The following ABLIM2 variants were observed in gnomAD, a reference collection of about 807,000 sequenced individuals.
The protein encoded by ABLIM2 is actin binding LIM protein family member 2.
A neutral mutation model predicts 97.7 loss-of-function variants in ABLIM2; 53 were observed. The ratio of observed to expected loss-of-function variants is 0.54; its 90% CI spans 0.44 to 0.68. The LOEUF is 0.68. Among genes scored for constraint, ABLIM2 ranks in the 30% least tolerant of loss-of-function variants. The probability of loss-of-function intolerance (pLI) is 0.00; values close to 1 mark genes in which losing one functional copy is unlikely to be tolerated. For missense variants in ABLIM2, 835 were observed against 867.2 expected (o/e 0.96, Z 0.47); for synonymous variants, 361 against 345.8 (o/e 1.04, Z -0.49).
Position 8,064,735 on chromosome 4 carries a change from G to A in ABLIM2, c.676-3681C>T, listed in dbSNP as rs189805726. Among the ~76,000 whole-genome samples the A allele has an allele frequency of 1.1e-3, 171 of 152,218 alleles. 1 individual carries two copies. The highest frequency in any genetic ancestry group is 3.6e-3 in the African/African-American group (150 of 41,538). ...TAGGATGTTCAAAACCAGGCAAAGC[G>A]ATCTACCTGGCTAGGGTGCCCTTGG... On this transcript the variant is annotated intron_variant, in intron 6 of 20. Coordinates refer to ENST00000447017, the MANE Select transcript of ABLIM2 (RefSeq NM_001130083.2).
chr4:8,126,202 G>C (rs983376263), intron 1 of ABLIM2, among the ~76,000 whole-genome samples: 3 of 152,176 alleles, frequency 2.0e-5, no homozygotes, highest in Admixed American at 1.3e-4. Context: ...TCTGTGCAGG[G>C]CAGAACCCAC....
intron 1 of ABLIM2, among the ~76,000 whole-genome samples, chr4:8,133,700 C>T (rs1011419858): frequency 2.0e-5 from 3 of 152,242 alleles, no homozygotes; most frequent in Non-Finnish European, 4.4e-5. Flanking sequence ...CACCTGGGTC[C>T]ATGCCCCGGC....
chr4:8,071,976 G>T lies in ABLIM2; in HGVS notation c.675+5652C>A, dbSNP rs1812522376. 35 of 985,396 alleles carry T rather than the reference G, an allele frequency of 3.6e-5. No individual in the cohort carries two copies. The highest frequency in any genetic ancestry group is 4.1e-5 in the Non-Finnish European group (34 of 830,034). 61.0% of individuals were successfully genotyped at this position (985,396 alleles called of 1,614,324 possible). ...AGGCAGTGCCACCGCGGCGGCGGCA[G>T]CTCCCCTTCTGCGGAGCCAGGCTTG... On this transcript the variant is annotated intron_variant, in intron 6 of 20. Transcript: ENST00000447017. The surrounding 1 kb of genome is among the most constrained non-coding windows in gnomAD (Gnocchi z 6.2).
intron 9 of ABLIM2, among the ~76,000 whole-genome samples, chr4:8,039,265 G>T (rs545985202): frequency 5.3e-5 from 8 of 152,030 alleles, no homozygotes; most frequent in African/African-American, 1.7e-4. Flanking sequence ...CCCCACCTCC[G>T]TCCCCTCCAA....
intron 8 of ABLIM2, among the ~76,000 whole-genome samples, chr4:8,053,342 T>C (rs949705231): frequency 2.0e-5 from 3 of 152,228 alleles, no homozygotes; most frequent in Non-Finnish European, 2.9e-5. Flanking sequence ...CATATGTTGA[T>C]TGATGTCTCA....
intron 1 of ABLIM2, among the ~76,000 whole-genome samples, chr4:8,151,390 C>T (rs1712699936): frequency 6.6e-6 from 1 of 152,194 alleles, no homozygotes; most frequent in Non-Finnish European, 1.5e-5. Context: ...CCCTCCTCCG[C>T]CCCAGTCCTT....
intron 12 of ABLIM2, among the ~76,000 whole-genome samples, chr4:8,025,872 C>T (rs1166810583): frequency 1.3e-5 from 2 of 152,154 alleles, no homozygotes; most frequent in African/African-American, 4.8e-5. Flanking sequence ...GGTGCCCTGC[C>T]GTGACTCACC....
chr4:8,030,345 G>C (rs1780127827), intron 10 of ABLIM2, among the ~76,000 whole-genome samples: 1 of 152,196 alleles, frequency 6.6e-6, no homozygotes, highest in Admixed American at 6.5e-5. Flanking sequence ...AGGTGGTGTG[G>C]GGTGGCGTGG....
chr4:8,098,848 C>T (rs1476126809), intron 2 of ABLIM2, among the ~76,000 whole-genome samples: 1 of 152,218 alleles, frequency 6.6e-6, no homozygotes, highest in Admixed American at 6.5e-5. Flanking sequence ...GCCCTGGCTG[C>T]TGCTCTAATG....
chr4:8,139,707 T>C (rs768391180), intron 1 of ABLIM2, among the ~76,000 whole-genome samples: 2 of 152,214 alleles, frequency 1.3e-5, no homozygotes, highest in Admixed American at 6.5e-5. Context: ...TCTTCAAAGA[T>C]CCAGAACCAG....
chr4:8,115,957 A>G (rs1371922624), intron 1 of ABLIM2, among the ~76,000 whole-genome samples: 2 of 152,176 alleles, frequency 1.3e-5, no homozygotes, highest in Non-Finnish European at 2.9e-5. Flanking sequence ...TGGAGCCCAC[A>G]TGCCGCTATT....
At chr4:8,078,823 G>A (rs930717661) in intron 5 of ABLIM2, among the ~76,000 whole-genome samples, 2 of 152,194 alleles carry the variant, frequency 1.3e-5, no homozygotes, top group Non-Finnish European at 2.9e-5. Flanking sequence ...TACTAACCAG[G>A]GCTGTCCTCT....
intron 14 of ABLIM2, among the ~76,000 whole-genome samples, chr4:8,013,747 C>A (rs1226885144): frequency 6.6e-6 from 1 of 152,194 alleles, no homozygotes; most frequent in Non-Finnish European, 1.5e-5. Flanking sequence ...CTTCCTGTGA[C>A]TTGTACAAAT....
In ABLIM2 at chr4:8,120,479, C is replaced by G. The variant is rs1034490165; in HGVS notation, c.11-13842G>C. On this transcript the variant is annotated intron_variant, in intron 1 of 20. Transcript: ENST00000447017. This position sits in a 1 kb window ranked among gnomAD's most constrained non-coding sequence, Gnocchi z 5.6. The stretch of plus-strand genomic sequence containing the variant: ...GGCAGCATGGGAAACCAGAGGGAAC[C>G]CAACATGAAGACGCGGGAGAAGATG... Among the ~76,000 whole-genome samples, 18 of 151,858 alleles carry G rather than the reference C, an allele frequency of 1.2e-4. No homozygotes were observed. Among genetic ancestry groups the G allele is most frequent in the Non-Finnish European group, 2.5e-4 (17 of 67,964 alleles).
intron 3 of ABLIM2, among the ~76,000 whole-genome samples, chr4:8,093,989 C>A (rs976131597): frequency 5.9e-5 from 9 of 152,200 alleles, no homozygotes; most frequent in Non-Finnish European, 1.2e-4. Flanking sequence ...ATCCACAGAT[C>A]CCTGAGGTGC....
At chr4:7,975,783 G>A (rs1732532909) in intron 20 of ABLIM2, among the ~76,000 whole-genome samples, 1 of 152,168 alleles carries the variant, frequency 6.6e-6, no homozygotes. Flanking sequence ...AGTAACGGTT[G>A]CTTAAAGTTG....
chr4:8,091,677 A>G lies in ABLIM2; in HGVS notation c.339-3393T>C, dbSNP rs181580312. Reference sequence around the variant, plus strand: ...ATATAATTATATATTATATAAAATTATATATAATTATATATTATATAATAT... The same window carrying G: ...ATATAATTATATATTATATAAAATTGTATATAATTATATATTATATAATAT... On this transcript the variant is annotated intron_variant, in intron 3 of 20. Transcript: ENST00000447017. Among the ~76,000 whole-genome samples, 717 of 76,058 alleles carry G rather than the reference A, an allele frequency of 9.4e-3. 102 individuals are homozygous for G. Among genetic ancestry groups the G allele is most frequent in the African/African-American group, 0.034 (632 of 18,528 alleles). The allele number at this position is 76,058 out of a possible 152,430, so 49.9% of individuals were successfully genotyped here.
chr4:8,018,341 T>A (rs1336097246), intron 14 of ABLIM2, among the ~76,000 whole-genome samples: 2 of 152,212 alleles, frequency 1.3e-5, no homozygotes, highest in Non-Finnish European at 2.9e-5. Context: ...GGAAAGCCAG[T>A]CACTTACTGT....
Position 8,068,529 on chromosome 4 carries a change from T to C in ABLIM2, c.676-7475A>G, listed in dbSNP as rs1001581461. Reference sequence around the variant, plus strand: ...TCCTGTCCCAGCAGAGGAGAGCTAGTGGTCCCCCGTCTTTGGGCTTCTGGA... The same window carrying C: ...TCCTGTCCCAGCAGAGGAGAGCTAGCGGTCCCCCGTCTTTGGGCTTCTGGA... On this transcript the variant is annotated intron_variant, in intron 6 of 20. Coordinates refer to ENST00000447017, the MANE Select transcript of ABLIM2 (RefSeq NM_001130083.2). This position sits in a 1 kb window ranked among gnomAD's most constrained non-coding sequence, Gnocchi z 4.5. Among the ~76,000 whole-genome samples the C allele has an allele frequency of 3.3e-5, 5 of 152,230 alleles. No individual in the cohort carries two copies. The highest frequency in any genetic ancestry group is 1.2e-4 in the African/African-American group (5 of 41,458).
Sources: allele counts gnomAD v4.1 joint callset (sites outside exome capture counted in the v4.1 genomes callset), GRCh38; gene constraint gnomAD v4.1.1; non-coding constraint Gnocchi (gnomAD v3.1); transcripts MANE v1.5; gene names NCBI Gene and HGNC (gene_info 2026-07-23, HGNC 2026-07-21).